The following FLT3 variants were observed in gnomAD, a reference collection of about 807,000 sequenced individuals.
The protein encoded by FLT3 is fms related receptor tyrosine kinase 3.
In FLT3, 46 loss-of-function variants were observed where a neutral mutation model predicts 126.6. That is an observed-to-expected ratio of 0.36 (90% CI 0.29 to 0.46). The LOEUF is 0.46. FLT3 is among the 20% of genes least tolerant of loss of function. The probability of loss-of-function intolerance (pLI) is 1.00; values close to 1 mark genes in which losing one functional copy is unlikely to be tolerated. For missense variants in FLT3, 1,069 were observed against 1,190.3 expected, an observed-to-expected ratio of 0.90 and a Z score of 1.50; for synonymous variants, 404 against 434.4, an observed-to-expected ratio of 0.93 and a Z score of 0.87.
intron 15 of FLT3, among the ~76,000 whole-genome samples, chr13:28,032,999 G>A (rs555695957): frequency 2.0e-5 from 3 of 152,100 alleles, no homozygotes; most frequent in Non-Finnish European, 2.9e-5. Flanking sequence ...ATGGAGCAAC[G>A]AAGTGAGGAT....
At chr13:28,076,813 G>C (rs147136827) in intron 1 of FLT3, among the ~76,000 whole-genome samples, 1 of 152,064 alleles carries the variant, frequency 6.6e-6, no homozygotes, top group Non-Finnish European at 1.5e-5. Flanking sequence ...TGTAGTCCCA[G>C]CTACTCAGGA....
At chr13:28,030,394 C>A (rs1873214433) in intron 15 of FLT3, among the ~76,000 whole-genome samples, 1 of 152,168 alleles carries the variant, frequency 6.6e-6, no homozygotes, top group South Asian at 2.1e-4. Flanking sequence ...GTACCATTAC[C>A]TCTTTCATTC....
At chr13:28,086,877 C>T (rs1210912183) in intron 1 of FLT3, among the ~76,000 whole-genome samples, 1 of 152,006 alleles carries the variant, frequency 6.6e-6, no homozygotes, top group East Asian at 1.9e-4. Context: ...GAACTCCTGA[C>T]CTCAAGGGAT....
chr13:28,088,850 C>T (rs1878853569), intron 1 of FLT3, among the ~76,000 whole-genome samples: 1 of 151,364 alleles, frequency 6.6e-6, no homozygotes, highest in South Asian at 2.1e-4. Context: ...TCCCAAAGTG[C>T]TGGGATTACA....
chr13:28,075,583 G>A (rs1301050806), intron 1 of FLT3, among the ~76,000 whole-genome samples: 3 of 151,670 alleles, frequency 2.0e-5, no homozygotes, highest in Non-Finnish European at 4.4e-5. Flanking sequence ...AAATTAGCCG[G>A]GTGAAGTGGC....
intron 1 of FLT3, among the ~76,000 whole-genome samples, chr13:28,091,314 C>CTG (rs1566108629): frequency 2.8e-5 from 4 of 143,546 alleles, no homozygotes; most frequent in African/African-American, 1.0e-4. Context: ...CTCCGCCTCC[C>CTG]GGGTTCACGC....
At chr13:28,087,671 G>A (rs1450591670) in intron 1 of FLT3, among the ~76,000 whole-genome samples, 1 of 151,930 alleles carries the variant, frequency 6.6e-6, no homozygotes, top group Non-Finnish European at 1.5e-5. Flanking sequence ...TATATCTGAC[G>A]ACCTGAAGTT....
intron 4 of FLT3, among the ~76,000 whole-genome samples, chr13:28,053,421 A>ATAT (rs1875728437): frequency 9.2e-6 from 1 of 108,584 alleles, no homozygotes; most frequent in Admixed American, 8.6e-5. Flanking sequence ...TATATGAAAG[A>ATAT]ATATATGGAG....
Position 28,050,147 on chromosome 13 carries a change from C to T in FLT3, c.690G>A (p.Arg230=), listed in dbSNP as rs751597271. Residue 230 remains arginine (R), a synonymous_variant, in exon 6 of 24, where the codon AGG becomes AGA. Coordinates refer to ENST00000241453, the MANE Select transcript of FLT3 (RefSeq NM_004119.3). ...VLHELFGTDI[R]CCARNELGRE... ...TGCCCAGTTCATTTCTGGCACAGCA[C>T]CTTATGTCCGTCCCAAATAATTCAT... 1.1e-5 allele frequency: 17 copies of T among 1,614,062 alleles called. No individual in the cohort carries two copies. Among genetic ancestry groups the T allele is most frequent in the Non-Finnish European group, 1.4e-5 (17 of 1,179,932 alleles).
chr13:28,037,357 G>A, intron 9 of FLT3, 69 bp from the exon 10 acceptor site: 1 of 886,566 alleles, frequency 1.1e-6, no homozygotes, highest in Non-Finnish European at 1.9e-6. Flanking sequence ...TAATGACAGT[G>A]TGCATGGGAG....
At chr13:28,060,874 G>A (rs1876495363) in intron 3 of FLT3, among the ~76,000 whole-genome samples, 1 of 151,490 alleles carries the variant, frequency 6.6e-6, no homozygotes, top group South Asian at 2.1e-4. Flanking sequence ...CAAAGTGCTG[G>A]GATTACAGGC....
chr13:28,089,389 T>C (rs117849917), intron 1 of FLT3, among the ~76,000 whole-genome samples: 2,916 of 151,262 alleles, frequency 0.019, 39 homozygotes, highest in Non-Finnish European at 0.029. Flanking sequence ...AACCTATGCT[T>C]ACACAAAAAC....
chr13:28,014,561 T>C lies in FLT3; in HGVS notation c.2754-4A>G, dbSNP rs1385536404. ...GCAGGATTGCATTATAATGTATCTGTAAAAGCAATAGAACAAGGAACAAGA... is the reference window on the plus strand; with the variant it reads ...GCAGGATTGCATTATAATGTATCTGCAAAAGCAATAGAACAAGGAACAAGA... On this transcript the variant is annotated splice_region_variant and splice_polypyrimidine_tract_variant and intron_variant, in intron 22 of 23. Transcript: ENST00000241453. 1.9e-6 allele frequency: 3 copies of C among 1,591,716 alleles called. No individual in the cohort carries two copies. The highest frequency in any genetic ancestry group is 1.3e-5 in the African/African-American group (1 of 74,484).
intron 1 of FLT3, among the ~76,000 whole-genome samples, chr13:28,090,278 C>T (rs7327568): frequency 0.055 from 8,251 of 150,930 alleles, 743 homozygotes; most frequent in African/African-American, 0.18. Flanking sequence ...CCTCTTGATC[C>T]GCCTGCCTCA....
chr13:28,006,433 G>T (rs1870901863), intron 23 of FLT3, among the ~76,000 whole-genome samples: 1 of 152,032 alleles, frequency 6.6e-6, no homozygotes, highest in African/African-American at 2.4e-5. Context: ...AACTACTCAT[G>T]CGTGCCTTTT....
Position 28,061,909 on chromosome 13 carries a change from T to C in FLT3, c.326A>G (p.His109Arg), listed in dbSNP as rs1324707983. ...ATGTGGCTGGCAATTCAGGGAGCTG[T>C]GCTTAAAGACCCAGAGACAGGAAAT... is the stretch of plus-strand genomic sequence containing the variant. ...GNISCLWVFK[H>R]SSLNCQPHFD... The change falls in exon 3 of 24, where the codon CAC becomes CGC. Residue 109 changes from histidine to arginine, a missense_variant. Physicochemically the swap from His to Arg is conservative, Grantham distance 29 (BLOSUM62 0). Transcript: ENST00000241453. The C allele has an allele frequency of 6.2e-7, 1 of 1,614,146 alleles. No individual in the cohort carries two copies. Among genetic ancestry groups the C allele is most frequent in the East Asian group, 2.2e-5 (1 of 44,890 alleles).
At chr13:28,018,967 T>C (rs1419453667) in intron 19 of FLT3, among the ~76,000 whole-genome samples, 5 of 88,992 alleles carry the variant, frequency 5.6e-5, no homozygotes, top group Admixed American at 2.8e-4. Context: ...GCATCTCTTT[T>C]CTTTTTTTTT....
At chr13:28,076,356 A>C (rs1029986822) in intron 1 of FLT3, among the ~76,000 whole-genome samples, 24 of 152,176 alleles carry the variant, frequency 1.6e-4, no homozygotes, top group Admixed American at 1.4e-3. Flanking sequence ...TATGAAAGGG[A>C]ATTTTTTAGA....
intron 23 of FLT3, among the ~76,000 whole-genome samples, chr13:28,010,511 T>C (rs17086212): frequency 0.27 from 40,348 of 152,108 alleles, 5,440 homozygotes; most frequent in Non-Finnish European, 0.28. Context: ...GAAGCATGTT[T>C]GTCCATCCTA....
Sources: gnomAD v4.1 joint callset for allele counts (sites outside exome capture counted in the v4.1 genomes callset) on GRCh38, gnomAD v4.1.1 for gene constraint, MANE v1.5 for transcripts, NCBI Gene and HGNC (gene_info 2026-07-23, HGNC 2026-07-21) for gene names.